GPC5: variants seen among roughly 807,000 people sequenced by gnomAD.
GPC5 encodes the protein glypican 5.
A neutral mutation model predicts 53.9 loss-of-function variants in GPC5; 47 were observed. The ratio of observed to expected loss-of-function variants is 0.87; its 90% CI spans 0.69 to 1.11. The LOEUF is 1.11. Ranked by LOEUF, GPC5 falls within the 50% of genes most tolerant of loss-of-function variation. The pLI, the probability that GPC5 is intolerant of heterozygous loss-of-function variation, is 0.00. For synonymous variants in GPC5, 286 were observed against 263.3 expected (o/e 1.09, Z -0.84); for missense variants, 748 against 713.1 (o/e 1.05, Z -0.56).
chr13:92,186,765 C>A (rs970430866), intron 7 of GPC5, among the ~76,000 whole-genome samples: 2 of 152,048 alleles, frequency 1.3e-5, no homozygotes, highest in African/African-American at 2.4e-5. Flanking sequence ...TTTGGCATGA[C>A]GATCAGATGA....
chr13:92,314,302 A>G (rs2043164427), intron 7 of GPC5, among the ~76,000 whole-genome samples: 1 of 152,108 alleles, frequency 6.6e-6, no homozygotes, highest in Non-Finnish European at 1.5e-5. Flanking sequence ...TCTTCAAGTT[A>G]TGTCCCCAAC....
intron 7 of GPC5, among the ~76,000 whole-genome samples, chr13:92,284,384 A>G (rs1413023745): frequency 6.6e-6 from 1 of 152,212 alleles, no homozygotes; most frequent in Non-Finnish European, 1.5e-5. Flanking sequence ...TCCCTAACTC[A>G]TTTTATGAGG....
At chr13:91,604,708 G>C (rs1402703715) in intron 2 of GPC5, among the ~76,000 whole-genome samples, 3 of 126,774 alleles carry the variant, frequency 2.4e-5, no homozygotes, top group Admixed American at 8.1e-5. Flanking sequence ...GGCCAGTGAT[G>C]ATGAGCATTT....
At chr13:92,758,975 A>G (rs1036189649) in intron 7 of GPC5, among the ~76,000 whole-genome samples, 4 of 137,360 alleles carry the variant, frequency 2.9e-5, no homozygotes, top group Non-Finnish European at 6.1e-5. Context: ...TTTCCAGAGA[A>G]TATCCTTTTC....
At chr13:91,633,238 C>T (rs2034204108) in intron 2 of GPC5, among the ~76,000 whole-genome samples, 1 of 152,118 alleles carries the variant, frequency 6.6e-6, no homozygotes, top group African/African-American at 2.4e-5. Context: ...CAAAATTGCT[C>T]TTGATTTTCA....
At chr13:91,923,410 A>G (rs1192049191) in intron 6 of GPC5, among the ~76,000 whole-genome samples, 2 of 152,212 alleles carry the variant, frequency 1.3e-5, no homozygotes, top group Non-Finnish European at 2.9e-5. Flanking sequence ...ATGCACCTTG[A>G]AAGCAGGCTG....
chr13:91,964,906 A>G (rs1369964389), intron 6 of GPC5, among the ~76,000 whole-genome samples: 1 of 152,132 alleles, frequency 6.6e-6, no homozygotes, highest in Admixed American at 6.6e-5. Flanking sequence ...TGCAGCCATA[A>G]AAAAGGATGA....
rs199582275 is a variant in GPC5, at chr13:92,633,185, G to A, written c.1562-233097G>A. On this transcript the variant is annotated intron_variant, in intron 7 of 7. Coordinates refer to ENST00000377067, the MANE Select transcript of GPC5 (RefSeq NM_004466.6). Reference sequence around the variant, plus strand: ...TGGGATTACAGGCGTGAGCCACCACGCCCAGCCAAAACTCCCATTTTTTAA... The same window carrying A: ...TGGGATTACAGGCGTGAGCCACCACACCCAGCCAAAACTCCCATTTTTTAA... 4.7e-4 allele frequency among the ~76,000 whole-genome samples: 72 copies of A among 152,210 alleles called. 1 individual carries two copies. The East Asian group carries it at 9.3e-3, about 20-fold the overall frequency.
intron 6 of GPC5, among the ~76,000 whole-genome samples, chr13:91,970,470 A>G (rs1320673567): frequency 6.6e-6 from 1 of 151,558 alleles, no homozygotes; most frequent in African/African-American, 2.4e-5. Flanking sequence ...CACACAAGCT[A>G]TGTGAGATTA....
intron 6 of GPC5, among the ~76,000 whole-genome samples, chr13:92,132,240 T>C (rs1266871448): frequency 2.6e-5 from 4 of 152,182 alleles, no homozygotes; most frequent in Non-Finnish European, 5.9e-5. Context: ...TGAGGTGCTC[T>C]TGTTTATGAT....
intron 6 of GPC5, among the ~76,000 whole-genome samples, chr13:92,029,675 T>A (rs532192389): frequency 1.3e-5 from 2 of 152,240 alleles, no homozygotes; most frequent in African/African-American, 4.8e-5. Context: ...GGTTGACTCA[T>A]TGCTGTTTGA....
At chr13:92,486,008 T>G (rs1420670787) in intron 7 of GPC5, among the ~76,000 whole-genome samples, 1 of 152,094 alleles carries the variant, frequency 6.6e-6, no homozygotes, top group African/African-American at 2.4e-5. Context: ...GTAGTTAGAT[T>G]GACTAATGCC....
At chr13:91,917,802 C>A (rs956175208) in intron 6 of GPC5, among the ~76,000 whole-genome samples, 4 of 152,184 alleles carry the variant, frequency 2.6e-5, no homozygotes, top group African/African-American at 9.6e-5. Context: ...TTGTCCATAT[C>A]ACTATCAGTA....
chr13:91,982,462 AAAAAAGC>A, intron 6 of GPC5, among the ~76,000 whole-genome samples: 1 of 152,268 alleles, frequency 6.6e-6, no homozygotes. Context: ...ACAAAATAAT[AAAAAAGC>A]TATGTTGTTG....
At chr13:92,122,838 T>C (rs1467525669) in intron 6 of GPC5, among the ~76,000 whole-genome samples, 1 of 151,254 alleles carries the variant, frequency 6.6e-6, no homozygotes, top group Non-Finnish European at 1.5e-5. Context: ...TTTATCTTTC[T>C]CTTCAGAATG....
intron 7 of GPC5, among the ~76,000 whole-genome samples, chr13:92,643,966 C>T (rs75907714): frequency 6.6e-6 from 1 of 152,168 alleles, no homozygotes; most frequent in East Asian, 1.9e-4. Flanking sequence ...CATGACTGGC[C>T]AAAATAATTA....
intron 7 of GPC5, among the ~76,000 whole-genome samples, chr13:92,441,871 T>C (rs1344295124): frequency 6.6e-6 from 1 of 152,106 alleles, no homozygotes; most frequent in Non-Finnish European, 1.5e-5. Flanking sequence ...AGAATCCAAA[T>C]AGCCAAAGCA....
intron 2 of GPC5, among the ~76,000 whole-genome samples, chr13:91,569,066 A>G (rs2031665865): frequency 6.6e-6 from 1 of 152,080 alleles, no homozygotes; most frequent in Admixed American, 6.6e-5. Context: ...CTCTTTTTTA[A>G]TGTAAGATGT....
intron 7 of GPC5, among the ~76,000 whole-genome samples, chr13:92,668,013 G>C (rs1397214456): frequency 6.6e-6 from 1 of 152,028 alleles, no homozygotes; most frequent in Non-Finnish European, 1.5e-5. Flanking sequence ...AGCTATAAAT[G>C]CTTTAAAATT....
Sources: gnomAD v4.1 joint callset for allele counts (sites outside exome capture counted in the v4.1 genomes callset) on GRCh38, gnomAD v4.1.1 for gene constraint, MANE v1.5 for transcripts, NCBI Gene and HGNC (gene_info 2026-07-23, HGNC 2026-07-21) for gene names.